EPDR1: variants seen among roughly 807,000 people sequenced by gnomAD.
EPDR1 encodes the protein ependymin related 1.
Under a neutral mutation model 23.7 loss-of-function variants are expected in EPDR1, and 27 were observed. That is an observed-to-expected ratio of 1.14 (90% CI 0.84 to 1.57). The LOEUF (loss-of-function observed/expected upper bound fraction) is 1.57, where lower values mean the gene tolerates loss of function less well. EPDR1 is among the 40% of genes most tolerant of loss of function. The probability of loss-of-function intolerance (pLI) is 0.00; values close to 1 mark genes in which losing one functional copy is unlikely to be tolerated. For synonymous variants in EPDR1, 137 were observed against 118.2 expected, an observed-to-expected ratio of 1.16 and a Z score of -1.03; for missense variants, 349 against 290.4, an observed-to-expected ratio of 1.20 and a Z score of -1.47.
intron 1 of EPDR1, among the ~76,000 whole-genome samples, chr7:37,937,169 T>C (rs975788688): frequency 1.3e-5 from 2 of 152,190 alleles, no homozygotes; most frequent in Admixed American, 1.3e-4. Context: ...GATGGACTTA[T>C]TAATCAGTGT....
chr7:37,939,560 CT>C (rs1290242573), intron 1 of EPDR1, among the ~76,000 whole-genome samples: 1 of 152,042 alleles, frequency 6.6e-6, no homozygotes, highest in Non-Finnish European at 1.5e-5. Context: ...ATGTCTTATT[CT>C]TCTTGGTGCC....
chr7:37,936,007 T>TGC (rs1303987739), intron 1 of EPDR1, among the ~76,000 whole-genome samples: 1 of 89,078 alleles, frequency 1.1e-5, no homozygotes, highest in Non-Finnish European at 2.3e-5. Flanking sequence ...TATATATATA[T>TGC]ATATATATAT....
At position 37,950,676 on chromosome 7, in the gene EPDR1, T is replaced by C; in HGVS notation, c.*280T>C. On this transcript the variant is annotated 3_prime_UTR_variant, in exon 3 of 3. Coordinates refer to ENST00000199448, the MANE Select transcript of EPDR1 (RefSeq NM_017549.5). ...GCCTGTTCAGGGCTGGTTTTCTGCA[T>C]GCACGGGTATACACATAATGCAGTG... 2 of 407,692 alleles carry C rather than the reference T, an allele frequency of 4.9e-6. No homozygotes were observed. The highest frequency in any genetic ancestry group is 7.9e-5 in the East Asian group (2 of 25,458). 25.3% of individuals were successfully genotyped at this position (407,692 alleles called of 1,614,324 possible).
intron 1 of EPDR1, among the ~76,000 whole-genome samples, chr7:37,926,214 T>C (rs917584254): frequency 6.6e-6 from 1 of 152,176 alleles, no homozygotes; most frequent in Admixed American, 6.5e-5. Context: ...TTGTTTTATT[T>C]TGAAACAATC....
At position 37,949,029 on chromosome 7, in the gene EPDR1, C is replaced by G; in HGVS notation, c.459C>G (p.Asp153Glu). 1.2e-6 allele frequency: 2 copies of G among 1,614,058 alleles called. No individual in the cohort carries two copies. Among genetic ancestry groups the G allele is most frequent in the Non-Finnish European group, 1.7e-6 (2 of 1,179,976 alleles). The change falls in exon 2 of 3, where the codon GAC (aspartate) becomes GAG (glutamate). Residue 153 changes from aspartate to glutamate, a missense_variant. Physicochemically the swap from Asp to Glu is conservative, Grantham distance 45. Transcript: ENST00000199448. ...QEQITVQEWS[D>E]RKSARSYETW... ...AGATCACCGTCCAGGAGTGGTCGGA[C>G]AGAAAGTCAGCTAGATCCTGTAAGG...
chr7:37,951,372 C>T lies in EPDR1; in HGVS notation c.*976C>T, dbSNP rs1203131057. 2 of 152,238 alleles carry T rather than the reference C, an allele frequency of 1.3e-5. No individual in the cohort carries two copies. Among genetic ancestry groups the T allele is most frequent in the African/African-American group, 4.8e-5 (2 of 41,456 alleles). 9.4% of individuals were successfully genotyped at this position (152,238 alleles called of 1,614,324 possible). ...ATCTCCTTCCAGGTCAGCTCATTCA[C>T]AAGAGTTGCTCCCAAGCCTGGATGA... On this transcript the variant is annotated 3_prime_UTR_variant, in exon 3 of 3. Coordinates refer to ENST00000199448, the MANE Select transcript of EPDR1 (RefSeq NM_017549.5).
chr7:37,936,969 G>A lies in EPDR1; in HGVS notation c.270-11871G>A, dbSNP rs187637894. Among the ~76,000 whole-genome samples, 13 of 152,190 alleles carry A rather than the reference G, an allele frequency of 8.5e-5. No individual in the cohort carries two copies. In the East Asian group the frequency reaches 2.3e-3, roughly 27 times the overall value. ...AACATAGGAAAACGTTGGAAAAGAA[G>A]GACACAAGAGGAGGACTAGTAAATT... is the stretch of plus-strand genomic sequence containing the variant. On this transcript the variant is annotated intron_variant, in intron 1 of 2. Transcript: ENST00000199448.
At chr7:37,941,782 T>TG (rs1054798448) in intron 1 of EPDR1, among the ~76,000 whole-genome samples, 3 of 152,176 alleles carry the variant, frequency 2.0e-5, no homozygotes, top group African/African-American at 7.2e-5. Context: ...AAGATGTATT[T>TG]GGGGGGCCAC....
intron 1 of EPDR1, among the ~76,000 whole-genome samples, chr7:37,946,167 A>G (rs956813731): frequency 2.0e-5 from 3 of 152,126 alleles, no homozygotes; most frequent in Non-Finnish European, 2.9e-5. Context: ...CGTCTTTGCT[A>G]TTGTGAATAG....
At chr7:37,933,184 C>T (rs143975665) in intron 1 of EPDR1, among the ~76,000 whole-genome samples, 129 of 152,332 alleles carry the variant, frequency 8.5e-4, no homozygotes, top group Non-Finnish European at 1.6e-3. Flanking sequence ...CAAGTGGCCG[C>T]GGCTCAATTC....
At chr7:37,931,471 G>A (rs543003197) in intron 1 of EPDR1, among the ~76,000 whole-genome samples, 6 of 151,920 alleles carry the variant, frequency 3.9e-5, no homozygotes, top group South Asian at 2.1e-4. Flanking sequence ...CTGAGATTGC[G>A]CCACTGCACT....
chr7:37,932,749 A>G (rs954034845), intron 1 of EPDR1, among the ~76,000 whole-genome samples: 4 of 152,108 alleles, frequency 2.6e-5, no homozygotes, highest in Non-Finnish European at 5.9e-5. Flanking sequence ...AGTACTAATG[A>G]TGCTATTTCT....
rs1395048625 is a variant in EPDR1, at chr7:37,950,420, C to T, written c.*24C>T. ...GAGCCTGTGCATAGGGAAGCGGCAG[C>T]ATCGGATGTCAGCCCCCTGCGGCCC... On this transcript the variant is annotated 3_prime_UTR_variant, in exon 3 of 3. Coordinates refer to ENST00000199448, the MANE Select transcript of EPDR1 (RefSeq NM_017549.5). The T allele has an allele frequency of 3.8e-6, 6 of 1,582,346 alleles. No individual in the cohort carries two copies. The highest frequency in any genetic ancestry group is 5.2e-6 in the Non-Finnish European group (6 of 1,160,636).
chr7:37,933,244 G>A (rs1312810959), intron 1 of EPDR1, among the ~76,000 whole-genome samples: 1 of 152,164 alleles, frequency 6.6e-6, no homozygotes, highest in African/African-American at 2.4e-5. Flanking sequence ...CTATTATAGT[G>A]CGTATTAAAC....
Position 37,950,655 on chromosome 7 carries a change from G to C in EPDR1, c.*259G>C, listed in dbSNP as rs1786385769. 1 of 443,436 alleles carries C rather than the reference G, an allele frequency of 2.3e-6. No individual in the cohort carries two copies. Among genetic ancestry groups the C allele is most frequent in the South Asian group, 4.5e-5 (1 of 22,340 alleles). The allele number at this position is 443,436 out of a possible 1,614,324, so 27.5% of individuals were successfully genotyped here. ...GACACTTTGGGTATTTCTAATGCCT[G>C]TTCAGGGCTGGTTTTCTGCATGCAC... On this transcript the variant is annotated 3_prime_UTR_variant, in exon 3 of 3. Coordinates refer to ENST00000199448, the MANE Select transcript of EPDR1 (RefSeq NM_017549.5).
At chr7:37,944,368 A>C (rs1786231095) in intron 1 of EPDR1, among the ~76,000 whole-genome samples, 1 of 152,226 alleles carries the variant, frequency 6.6e-6, no homozygotes, top group African/African-American at 2.4e-5. Flanking sequence ...GAGATGAAAG[A>C]ATCTCATTGT....
Position 37,920,883 on chromosome 7 carries a change from C to A in EPDR1, c.-57C>A. The A allele has an allele frequency of 6.2e-7, 1 of 1,611,600 alleles. No homozygotes were observed. The highest frequency in any genetic ancestry group is 1.3e-5 in the African/African-American group (1 of 75,020). On this transcript the variant is annotated 5_prime_UTR_variant, in exon 1 of 3. Coordinates refer to ENST00000199448, the MANE Select transcript of EPDR1 (RefSeq NM_017549.5). The stretch of plus-strand genomic sequence containing the variant: ...CGGCGGGAGCCACTCTGATCCCGGA[C>A]GCCTCAGCGCCCCCTTGGGCTTGGG...
chr7:37,938,600 G>T (rs529381861), intron 1 of EPDR1, among the ~76,000 whole-genome samples: 1 of 152,320 alleles, frequency 6.6e-6, no homozygotes, highest in African/African-American at 2.4e-5. Flanking sequence ...CATGACTTCT[G>T]TTCTTATCCA....
At chr7:37,929,100 T>A (rs922496201) in intron 1 of EPDR1, among the ~76,000 whole-genome samples, 5 of 152,204 alleles carry the variant, frequency 3.3e-5, no homozygotes, top group African/African-American at 7.2e-5. Flanking sequence ...AATCTGTCAT[T>A]CCCTCTGCCT....
Sources: allele counts gnomAD v4.1 joint callset (sites outside exome capture counted in the v4.1 genomes callset), GRCh38; gene constraint gnomAD v4.1.1; transcripts MANE v1.5; gene names NCBI Gene and HGNC (gene_info 2026-07-23, HGNC 2026-07-21).